RIMBP2: variants seen among roughly 807,000 people sequenced by gnomAD.
RIMBP2 encodes the protein RIMS-binding protein 2.
In RIMBP2, 48 loss-of-function variants were observed where a neutral mutation model predicts 118.6. That is an observed-to-expected ratio of 0.40 (90% confidence interval 0.32 to 0.51). RIMBP2 has a LOEUF of 0.51. RIMBP2 is among the 20% of genes least tolerant of loss of function. The pLI, the probability that RIMBP2 is intolerant of heterozygous loss-of-function variation, is 0.41. For missense variants in RIMBP2, 1,551 were observed against 1,768.3 expected, an observed-to-expected ratio of 0.88 and a Z score of 2.20; for synonymous variants, 762 against 742.9, an observed-to-expected ratio of 1.03 and a Z score of -0.42.
intron 2 of RIMBP2, among the ~76,000 whole-genome samples, chr12:130,601,953 C>G (rs1302025999): frequency 1.3e-5 from 2 of 152,130 alleles, no homozygotes; most frequent in African/African-American, 4.8e-5. Flanking sequence ...CTTATCACAC[C>G]CCCTGCAGCC....
At chr12:130,609,305 C>T (rs1431753717) in intron 2 of RIMBP2, among the ~76,000 whole-genome samples, 6 of 152,028 alleles carry the variant, frequency 3.9e-5, no homozygotes, top group African/African-American at 1.5e-4. Context: ...AAGTGTCCAT[C>T]GACGGATGAA....
intron 5 of RIMBP2, among the ~76,000 whole-genome samples, chr12:130,472,689 C>T (rs565498392): frequency 1.4e-4 from 21 of 152,250 alleles, no homozygotes; most frequent in African/African-American, 5.1e-4. Context: ...CTCAAAATTC[C>T]GTGCGCTGAA....
At position 130,442,381 on chromosome 12, in the gene RIMBP2, T is replaced by C; in HGVS notation, c.971A>G (p.Lys324Arg). ...CACAATAACACTTTTGGCGAGTTGT[T>C]TGATGAGGGTGATTTTTCTAGGGTA... The part of the protein sequence containing the change: ...VPYPRKITLI[K>R]QLAKSVIVGW... The change falls in exon 11 of 23, where the codon AAA becomes AGA. Residue 324 changes from lysine (K) to arginine (R), a missense_variant. Physicochemically the swap from Lys to Arg is conservative, Grantham distance 26 (BLOSUM62 2). Coordinates refer to ENST00000690449, the MANE Select transcript of RIMBP2 (RefSeq NM_001393629.1). This position sits in a 1 kb window ranked among gnomAD's most constrained non-coding sequence, Gnocchi z 6.9. The C allele has an allele frequency of 1.9e-6, 3 of 1,614,120 alleles. No homozygotes were observed. Among genetic ancestry groups the C allele is most frequent in the Non-Finnish European group, 2.5e-6 (3 of 1,180,022 alleles).
At chr12:130,498,288 C>T (rs576841969) in intron 4 of RIMBP2, among the ~76,000 whole-genome samples, 1 of 152,204 alleles carries the variant, frequency 6.6e-6, no homozygotes, top group Non-Finnish European at 1.5e-5. Flanking sequence ...GTCGGTTCAG[C>T]GAGGCAATCT....
At chr12:130,704,497 C>T (rs2066002442) in intron 1 of RIMBP2, among the ~76,000 whole-genome samples, 4 of 152,080 alleles carry the variant, frequency 2.6e-5, no homozygotes, top group African/African-American at 9.7e-5. Flanking sequence ...ATCACTTGAA[C>T]CCGGGAGGCA....
chr12:130,598,321 C>T (rs935975547), intron 2 of RIMBP2, among the ~76,000 whole-genome samples: 1 of 152,100 alleles, frequency 6.6e-6, no homozygotes, highest in South Asian at 2.1e-4. Context: ...AATTGATCTA[C>T]AGATTCAACA....
At chr12:130,417,261 C>T (rs956169531) in intron 17 of RIMBP2, among the ~76,000 whole-genome samples, 2 of 152,120 alleles carry the variant, frequency 1.3e-5, no homozygotes, top group South Asian at 2.1e-4. Context: ...GAAAAGAAGT[C>T]GTTTCACCAA....
intron 6 of RIMBP2, among the ~76,000 whole-genome samples, chr12:130,457,778 G>A (rs1364165788): frequency 6.6e-6 from 1 of 152,156 alleles, no homozygotes; most frequent in Non-Finnish European, 1.5e-5. Flanking sequence ...CACCCAGCAG[G>A]TGCTCAAAGA....
At chr12:130,619,320 T>C (rs1010607751) in intron 2 of RIMBP2, among the ~76,000 whole-genome samples, 2 of 152,184 alleles carry the variant, frequency 1.3e-5, no homozygotes, top group Non-Finnish European at 2.9e-5. Context: ...TACGCAACAG[T>C]CACTGCTTTA....
At chr12:130,638,724 C>A (rs1294214460) in intron 1 of RIMBP2, among the ~76,000 whole-genome samples, 1 of 151,628 alleles carries the variant, frequency 6.6e-6, no homozygotes, top group Non-Finnish European at 1.5e-5. Flanking sequence ...GACCACTGAA[C>A]TATAGTACAT....
chr12:130,713,704 A>T (rs1950128818), intron 1 of RIMBP2, among the ~76,000 whole-genome samples: 1 of 152,154 alleles, frequency 6.6e-6, no homozygotes, highest in Non-Finnish European at 1.5e-5. Flanking sequence ...GTCTCCGCCC[A>T]CCTGGAACAG....
chr12:130,529,372 G>T (rs1463313067), intron 2 of RIMBP2, among the ~76,000 whole-genome samples: 1 of 152,160 alleles, frequency 6.6e-6, no homozygotes, highest in Non-Finnish European at 1.5e-5. Context: ...AGACACAAAT[G>T]TTCACATGTA....
chr12:130,396,229 T>TTAA lies in RIMBP2; in HGVS notation c.*1129_*1131dup, dbSNP rs1284470235. Reference sequence around the variant, plus strand: ...GAGCTTAACCACACATGGATTTCCTTTAATAATAAATCTACCACATACTAT... The same window carrying TTAA: ...GAGCTTAACCACACATGGATTTCCTTTAATAATAATAAATCTACCACATACTAT... On this transcript the variant is annotated 3_prime_UTR_variant, in exon 23 of 23. Transcript: ENST00000690449. 1.3e-5 allele frequency: 2 copies of TTAA among 152,784 alleles called. No individual in the cohort carries two copies. The highest frequency in any genetic ancestry group is 1.9e-4 in the East Asian group (1 of 5,194). The allele number at this position is 152,784 out of a possible 1,614,324, so 9.5% of individuals were successfully genotyped here. A position where few individuals can be genotyped will look rare whatever the true frequency, so the allele number is the denominator to read the frequency against.
At chr12:130,606,799 C>T (rs2140507382) in intron 2 of RIMBP2, among the ~76,000 whole-genome samples, 1 of 152,198 alleles carries the variant, frequency 6.6e-6, no homozygotes, top group Admixed American at 6.5e-5. Flanking sequence ...CAAAATGTCT[C>T]CAGGCCGCAA....
chr12:130,574,663 G>A (rs1205263447), intron 2 of RIMBP2, among the ~76,000 whole-genome samples: 6 of 152,100 alleles, frequency 3.9e-5, no homozygotes, highest in African/African-American at 7.2e-5. Context: ...GGGAGCACAG[G>A]AAGACTGAAC....
chr12:130,662,121 A>T (rs1045510677), intron 1 of RIMBP2, among the ~76,000 whole-genome samples: 2 of 150,746 alleles, frequency 1.3e-5, no homozygotes, highest in Non-Finnish European at 3.0e-5. Context: ...TCCCAGGTGC[A>T]TTCATTCCCG....
At chr12:130,661,590 G>A (rs773852426) in intron 1 of RIMBP2, among the ~76,000 whole-genome samples, 76 of 152,146 alleles carry the variant, frequency 5.0e-4, no homozygotes, top group Admixed American at 3.3e-3. Flanking sequence ...GCAGTGCTGT[G>A]GTGTGTGTAG....
rs774534986 is a variant in RIMBP2 at position 130,407,836 on chromosome 12, A to C, written c.3590-7T>G. On this transcript the variant is annotated splice_region_variant and splice_polypyrimidine_tract_variant and intron_variant, in intron 19 of 22. Transcript: ENST00000690449. ...CCACTTCTCCTGCTTCTCTCTGTTC[A>C]GATCACAAGGGGGAAAGAAATCCAT... 6.2e-7 allele frequency: 1 copy of C among 1,611,176 alleles called. No homozygotes were observed. The highest frequency in any genetic ancestry group is 1.1e-5 in the South Asian group (1 of 90,982).
chr12:130,545,852 T>C (rs1055265567), intron 2 of RIMBP2, among the ~76,000 whole-genome samples: 3 of 152,210 alleles, frequency 2.0e-5, no homozygotes, highest in African/African-American at 7.2e-5. Flanking sequence ...TTAAAATATA[T>C]TCTGTGCCAA....
Sources: gnomAD v4.1 joint callset for allele counts (sites outside exome capture counted in the v4.1 genomes callset) on GRCh38, gnomAD v4.1.1 for gene constraint, Gnocchi (gnomAD v3.1) non-coding constraint, MANE v1.5 for transcripts, NCBI Gene and HGNC (gene_info 2026-07-23, HGNC 2026-07-21) for gene names.